The following FKBP5 variants were observed in gnomAD, a reference collection of about 807,000 sequenced individuals.
FKBP5 encodes the protein FKBP prolyl isomerase 5.
Under a neutral mutation model 50.5 loss-of-function variants are expected in FKBP5, and 23 were observed. That is an observed-to-expected ratio of 0.46 (90% confidence interval 0.33 to 0.65). The LOEUF (loss-of-function observed/expected upper bound fraction) is 0.65. Ranked by LOEUF, FKBP5 falls within the 30% of genes least tolerant of loss-of-function variation. The pLI is 0.02. For synonymous variants in FKBP5, 176 were observed against 190.6 expected (o/e 0.92, Z 0.63); for missense variants, 411 against 553.1 (o/e 0.74, Z 2.58).
chr6:35,718,578 T>C (rs1166992426), intron 2 of FKBP5, among the ~76,000 whole-genome samples: 6 of 152,094 alleles, frequency 3.9e-5, no homozygotes, highest in Non-Finnish European at 8.8e-5. Flanking sequence ...TCATCTCCAA[T>C]ACAAAGGAGG....
At chr6:35,644,837 G>T (rs1475635235) in intron 1 of FKBP5, among the ~76,000 whole-genome samples, 2 of 152,072 alleles carry the variant, frequency 1.3e-5, no homozygotes, top group East Asian at 3.8e-4. Context: ...GGAGGGTCCT[G>T]GACTGTATGC....
At chr6:35,648,088 CAG>C (rs57126691) in intron 1 of FKBP5, among the ~76,000 whole-genome samples, 14,343 of 152,086 alleles carry the variant, frequency 0.094, 968 homozygotes, top group East Asian at 0.34. Context: ...GACTCCAGCC[CAG>C]AGAGTCTGGA....
At chr6:35,706,598 G>A (rs1337089872) in intron 2 of FKBP5, among the ~76,000 whole-genome samples, 1 of 152,162 alleles carries the variant, frequency 6.6e-6, no homozygotes, top group Non-Finnish European at 1.5e-5. Flanking sequence ...GGGAAACAGG[G>A]CAAAGCCATT....
At chr6:35,669,036 T>C (rs1765309789) in intron 1 of FKBP5, among the ~76,000 whole-genome samples, 2 of 152,150 alleles carry the variant, frequency 1.3e-5, no homozygotes, top group African/African-American at 4.8e-5. Flanking sequence ...TGCAATTAAC[T>C]TTTCAAAAAA....
At chr6:35,582,024 C>T in intron 8 of FKBP5, 1 of 985,610 alleles carries the variant, frequency 1.0e-6, no homozygotes, top group Non-Finnish European at 1.2e-6. Context: ...GAAACGAGCT[C>T]TGCCTGTAGA....
intron 2 of FKBP5, among the ~76,000 whole-genome samples, chr6:35,700,376 C>T (rs1253014924): frequency 1.3e-5 from 2 of 152,132 alleles, no homozygotes; most frequent in Admixed American, 6.5e-5. Context: ...AGTGGCACAA[C>T]ATCACTACCA....
At chr6:35,657,802 C>T in intron 1 of FKBP5, among the ~76,000 whole-genome samples, 1 of 152,110 alleles carries the variant, frequency 6.6e-6, no homozygotes, top group East Asian at 1.9e-4. Flanking sequence ...CTTTCCTTTT[C>T]CTTTTCTTTA....
At chr6:35,640,993 GT>G (rs1764469820) in intron 2 of FKBP5, among the ~76,000 whole-genome samples, 3 of 152,020 alleles carry the variant, frequency 2.0e-5, no homozygotes, top group African/African-American at 7.2e-5. Context: ...TTGTTCATTT[GT>G]TTTTGAGACA....
chr6:35,693,681 C>G (rs1766037834), upstream of FKBP5, among the ~76,000 whole-genome samples: 1 of 151,954 alleles, frequency 6.6e-6, no homozygotes, highest in African/African-American at 2.4e-5. Context: ...CCACCACGCC[C>G]AGCTAATTTT....
At chr6:35,694,200 C>T (rs568113855) in intron 2 of FKBP5, among the ~76,000 whole-genome samples, 6 of 152,232 alleles carry the variant, frequency 3.9e-5, no homozygotes, top group Admixed American at 2.0e-4. Context: ...GGCCGGAGTG[C>T]GGTGGCGTGA....
At chr6:35,599,431 C>T (rs937496150) in intron 5 of FKBP5, among the ~76,000 whole-genome samples, 7 of 152,110 alleles carry the variant, frequency 4.6e-5, no homozygotes, top group Non-Finnish European at 1.0e-4. Context: ...ACACTAGGGG[C>T]CGAAATGTCC....
chr6:35,670,992 C>T (rs1765371291), intron 1 of FKBP5, among the ~76,000 whole-genome samples: 1 of 152,066 alleles, frequency 6.6e-6, no homozygotes, highest in Admixed American at 6.6e-5. Flanking sequence ...GGTGCAGTGG[C>T]TCATGCCTGT....
chr6:35,647,670 A>G (rs904849288), intron 1 of FKBP5, among the ~76,000 whole-genome samples: 1 of 152,238 alleles, frequency 6.6e-6, no homozygotes, highest in African/African-American at 2.4e-5. Context: ...CATCTGGGGG[A>G]AAAAGCAGAA....
intron 7 of FKBP5, among the ~76,000 whole-genome samples, chr6:35,589,125 TATA>T (rs1275871387): frequency 3.1e-5 from 4 of 127,986 alleles, no homozygotes; most frequent in South Asian, 2.3e-4. Context: ...TATATATATA[TATA>T]TTTTTTTTTT....
At chr6:35,669,519 AAATAC>A (rs1356193394) in intron 1 of FKBP5, among the ~76,000 whole-genome samples, 3 of 152,168 alleles carry the variant, frequency 2.0e-5, no homozygotes, top group African/African-American at 7.2e-5. Context: ...TCCACAGTCT[AAATAC>A]AATACATTTC....
At chr6:35,582,732 CAAAA>C in intron 8 of FKBP5, 1 of 932,654 alleles carries the variant, frequency 1.1e-6, no homozygotes, top group Non-Finnish European at 1.3e-6. Context: ...TTGGATGCTA[CAAAA>C]AAAAAAGAAT....
chr6:35,612,620 C>A (rs1763524011), intron 5 of FKBP5, among the ~76,000 whole-genome samples: 1 of 152,238 alleles, frequency 6.6e-6, no homozygotes, highest in Admixed American at 6.5e-5. Context: ...TACAGTTTCA[C>A]ATGGCTGGGG....
chr6:35,573,642 G>T lies in FKBP5; in HGVS notation c.*2193C>A, dbSNP rs369276216. 6.7e-6 allele frequency: 1 copy of T among 148,900 alleles called. No individual in the cohort carries two copies. Among genetic ancestry groups the T allele is most frequent in the Non-Finnish European group, 1.5e-5 (1 of 67,852 alleles). 9.2% of individuals were successfully genotyped at this position (148,900 alleles called of 1,614,324 possible). On this transcript the variant is annotated 3_prime_UTR_variant, in exon 11 of 11. Transcript: ENST00000357266. Reference sequence around the variant, plus strand: ...AACACACAAAAAAGTGCATCTAAATGATTTTTTTTTTTTAAAAACAATGTC... The same window carrying T: ...AACACACAAAAAAGTGCATCTAAATTATTTTTTTTTTTTAAAAACAATGTC...
chr6:35,594,247 A>C (rs1762908615), intron 6 of FKBP5, among the ~76,000 whole-genome samples: 1 of 151,942 alleles, frequency 6.6e-6, no homozygotes, highest in South Asian at 2.1e-4. Flanking sequence ...CCAGCTACCC[A>C]GGAGCTTGAG....
Sources: gnomAD v4.1 joint callset for allele counts (sites outside exome capture counted in the v4.1 genomes callset) on GRCh38, gnomAD v4.1.1 for gene constraint, MANE v1.5 for transcripts, NCBI Gene and HGNC (gene_info 2026-07-23, HGNC 2026-07-21) for gene names.